The following SGCZ variants were observed in gnomAD, a reference collection of about 807,000 sequenced individuals.
SGCZ encodes sarcoglycan zeta.
Under a neutral mutation model 41.3 loss-of-function variants are expected in SGCZ, and 40 were observed. The ratio of observed to expected loss-of-function variants is 0.97; its 90% CI spans 0.75 to 1.26. The LOEUF (loss-of-function observed/expected upper bound fraction) is 1.26. SGCZ is among the 50% of genes most tolerant of loss of function. The probability of loss-of-function intolerance (pLI) is 0.00; values close to 1 mark genes in which losing one functional copy is unlikely to be tolerated. For synonymous variants in SGCZ, 206 were observed against 137.5 expected, an observed-to-expected ratio of 1.50 and a Z score of -3.49; for missense variants, 552 against 369.8, an observed-to-expected ratio of 1.49 and a Z score of -4.04.
intron 1 of SGCZ, among the ~76,000 whole-genome samples, chr8:14,571,893 G>T (rs1238082568): frequency 6.6e-6 from 1 of 152,068 alleles, no homozygotes; most frequent in Non-Finnish European, 1.5e-5. Context: ...CATGATACTT[G>T]CTTGTTTATT....
intron 1 of SGCZ, among the ~76,000 whole-genome samples, chr8:15,149,839 A>G (rs1409610375): frequency 2.0e-5 from 3 of 152,204 alleles, no homozygotes; most frequent in Non-Finnish European, 2.9e-5. Flanking sequence ...GAAGTGTCCA[A>G]AGATACAGTA....
chr8:15,068,355 C>G (rs1045221631), intron 1 of SGCZ, among the ~76,000 whole-genome samples: 1 of 152,162 alleles, frequency 6.6e-6, no homozygotes. Flanking sequence ...CACTGTAACC[C>G]ACTGGTAAGC....
At chr8:14,674,965 G>T (rs752743838) in intron 1 of SGCZ, among the ~76,000 whole-genome samples, 1 of 78,966 alleles carries the variant, frequency 1.3e-5, no homozygotes, top group Non-Finnish European at 1.9e-5. Context: ...TTGAGATGGA[G>T]TCTCCCTCTG....
intron 3 of SGCZ, among the ~76,000 whole-genome samples, chr8:14,295,756 G>A (rs73529488): frequency 0.043 from 6,620 of 152,232 alleles, 471 homozygotes; most frequent in African/African-American, 0.15. Flanking sequence ...GAATGTGAAC[G>A]CCAAACACAG....
chr8:15,013,000 G>A (rs925482935), intron 1 of SGCZ, among the ~76,000 whole-genome samples: 6 of 151,924 alleles, frequency 3.9e-5, no homozygotes, highest in South Asian at 2.1e-4. Flanking sequence ...AAGCTGTTCT[G>A]TAGTATGGTG....
At chr8:14,316,100 T>A (rs1801706203) in intron 3 of SGCZ, among the ~76,000 whole-genome samples, 1 of 151,910 alleles carries the variant, frequency 6.6e-6, no homozygotes, top group Non-Finnish European at 1.5e-5. Flanking sequence ...CATGGTGGAA[T>A]TAAATCATAC....
intron 2 of SGCZ, among the ~76,000 whole-genome samples, chr8:14,417,088 C>T (rs112626109): frequency 2.6e-5 from 4 of 151,826 alleles, no homozygotes; most frequent in African/African-American, 7.2e-5. Flanking sequence ...TATGAAGGGA[C>T]GTTATTCTAT....
At chr8:14,109,841 C>T (rs887752376) in intron 5 of SGCZ, among the ~76,000 whole-genome samples, 2 of 151,976 alleles carry the variant, frequency 1.3e-5, no homozygotes, top group Admixed American at 1.3e-4. Context: ...TGAGGGCAAA[C>T]TTACTTACCA....
intron 1 of SGCZ, among the ~76,000 whole-genome samples, chr8:15,212,194 T>A (rs563427117): frequency 1.3e-5 from 2 of 152,258 alleles, no homozygotes; most frequent in East Asian, 3.9e-4. Flanking sequence ...GCTCCTTAAA[T>A]CTCTTAAGGC....
chr8:15,006,346 T>G (rs1306294253), intron 1 of SGCZ, among the ~76,000 whole-genome samples: 9 of 152,152 alleles, frequency 5.9e-5, no homozygotes, highest in Non-Finnish European at 1.3e-4. Context: ...CAAAAATCCC[T>G]TGGTACTGAA....
intron 3 of SGCZ, among the ~76,000 whole-genome samples, chr8:14,271,778 C>G (rs893599214): frequency 2.0e-5 from 3 of 152,150 alleles, no homozygotes; most frequent in African/African-American, 7.2e-5. Flanking sequence ...AGTGAAGATC[C>G]TGATTCATAT....
chr8:14,542,706 T>C (rs1021270869), intron 2 of SGCZ, among the ~76,000 whole-genome samples: 2 of 152,230 alleles, frequency 1.3e-5, no homozygotes, highest in African/African-American at 4.8e-5. Context: ...ATTAGGATAA[T>C]TGTAGAAACT....
At chr8:14,399,620 A>AATTGTG (rs1313442125) in intron 2 of SGCZ, among the ~76,000 whole-genome samples, 1 of 152,122 alleles carries the variant, frequency 6.6e-6, no homozygotes, top group African/African-American at 2.4e-5. Flanking sequence ...GCAAATGCAA[A>AATTGTG]ATTGTGTGCC....
chr8:14,546,745 C>T lies in SGCZ; in HGVS notation c.234+7987G>A, dbSNP rs551374466. Among the ~76,000 whole-genome samples the T allele has an allele frequency of 2.5e-4, 38 of 152,030 alleles. 2 individuals are homozygous for T. Among genetic ancestry groups the T allele is most frequent in the Admixed American group, 3.9e-4 (6 of 15,242 alleles). Reference sequence around the variant, plus strand: ...TATTTAATGGTGTTATATGAAAGCACGGAGTTATACCATGTAAAGGAAGTA... The same window carrying T: ...TATTTAATGGTGTTATATGAAAGCATGGAGTTATACCATGTAAAGGAAGTA... On this transcript the variant is annotated intron_variant, in intron 2 of 7. Coordinates refer to ENST00000382080, the MANE Select transcript of SGCZ (RefSeq NM_139167.4).
chr8:14,712,453 G>A (rs1203116104), intron 1 of SGCZ, among the ~76,000 whole-genome samples: 1 of 152,234 alleles, frequency 6.6e-6, no homozygotes, highest in Non-Finnish European at 1.5e-5. Context: ...GAAATCTGCA[G>A]TATGTGAGGT....
intron 1 of SGCZ, among the ~76,000 whole-genome samples, chr8:14,937,594 T>C (rs1010500070): frequency 5.3e-5 from 8 of 152,082 alleles, no homozygotes; most frequent in African/African-American, 1.9e-4. Flanking sequence ...CTCATGAACA[T>C]ATATACGTAC....
chr8:15,075,495 A>G (rs1257575725), intron 1 of SGCZ, among the ~76,000 whole-genome samples: 1 of 152,148 alleles, frequency 6.6e-6, no homozygotes, highest in Non-Finnish European at 1.5e-5. Context: ...TAAAAGAAGC[A>G]TTGTGGTTCC....
intron 4 of SGCZ, among the ~76,000 whole-genome samples, chr8:14,215,440 A>G (rs1805961668): frequency 6.6e-6 from 1 of 152,138 alleles, no homozygotes; most frequent in Non-Finnish European, 1.5e-5. Flanking sequence ...TGAATAATCT[A>G]AGTTCTTACT....
intron 1 of SGCZ, among the ~76,000 whole-genome samples, chr8:14,814,915 C>G (rs572417988): frequency 6.6e-6 from 1 of 152,018 alleles, no homozygotes; most frequent in Non-Finnish European, 1.5e-5. Context: ...CTATTTCATC[C>G]TAATTAATGT....
Sources: allele counts gnomAD v4.1 joint callset (sites outside exome capture counted in the v4.1 genomes callset), GRCh38; gene constraint gnomAD v4.1.1; transcripts MANE v1.5; gene names NCBI Gene and HGNC (gene_info 2026-07-23, HGNC 2026-07-21).